MSI2: variants seen among roughly 807,000 people sequenced by gnomAD.
MSI2 encodes musashi RNA binding protein 2, also known as RNA-binding protein Musashi homolog 2.
In MSI2, 17 loss-of-function variants were observed where a neutral mutation model predicts 45.6. The ratio of observed to expected loss-of-function variants is 0.37; its 90% confidence interval spans 0.26 to 0.56. MSI2 has a LOEUF of 0.56. MSI2 is among the 20% of genes least tolerant of loss of function. The probability of loss-of-function intolerance (pLI) is 0.77; values close to 1 mark genes in which losing one functional copy is unlikely to be tolerated. For missense variants in MSI2, 293 were observed against 444.2 expected, an observed-to-expected ratio of 0.66 and a Z score of 3.06; for synonymous variants, 156 against 158.2, an observed-to-expected ratio of 0.99 and a Z score of 0.11.
At chr17:57,329,673 TCTCC>T in intron 5 of MSI2, among the ~76,000 whole-genome samples, 1 of 152,260 alleles carries the variant, frequency 6.6e-6, no homozygotes, top group African/African-American at 2.4e-5. Flanking sequence ...GTCCTTCTTC[TCTCC>T]CTCTTTCCCC....
the MSI2 span, among the ~76,000 whole-genome samples, chr17:57,701,134 A>T: frequency 6.6e-6 from 1 of 152,174 alleles, no homozygotes; most frequent in Non-Finnish European, 1.5e-5. Context: ...AGCTGGGTTT[A>T]GAAGGAAGTA....
chr17:57,440,155 TTGTTCTGAACTG>T (rs1436679840), intron 6 of MSI2, among the ~76,000 whole-genome samples: 2 of 152,168 alleles, frequency 1.3e-5, no homozygotes, highest in Non-Finnish European at 2.9e-5. Flanking sequence ...GAGGCAGGGC[TTGTTCTGAACTG>T]TGAGCTGAGG....
chr17:57,574,828 C>CTTTTTTT lies in MSI2; in HGVS notation c.455-22026_455-22020dup, dbSNP rs34704876. The stretch of plus-strand genomic sequence containing the variant: ...CACAAATTCTGCATTCTCTCTCTCT[C>CTTTTTTT]TTTTTTTTTTTTTTTTTTTTGAGAC... On this transcript the variant is annotated intron_variant, in intron 7 of 13. Transcript: ENST00000284073. Among the ~76,000 whole-genome samples, 4 of 128,396 alleles carry CTTTTTTT rather than the reference C, an allele frequency of 3.1e-5. No individual in the cohort carries two copies. The East Asian group carries it at 8.7e-4, about 28-fold the overall frequency. The allele number at this position is 128,396 out of a possible 152,430, so 84.2% of individuals were successfully genotyped here. A position where few individuals can be genotyped will look rare whatever the true frequency, so the allele number is the denominator to read the frequency against.
intron 6 of MSI2, among the ~76,000 whole-genome samples, chr17:57,419,406 A>C (rs966651719): frequency 6.6e-6 from 1 of 151,186 alleles, no homozygotes; most frequent in African/African-American, 2.4e-5. Flanking sequence ...TCTGTCACCC[A>C]GGCTGGAGTG....
At chr17:57,559,857 C>T (rs1567899416) in intron 7 of MSI2, among the ~76,000 whole-genome samples, 2 of 152,244 alleles carry the variant, frequency 1.3e-5, no homozygotes, top group African/African-American at 2.4e-5. Context: ...CAGGCTGCCC[C>T]GTGCCCCTGC....
At chr17:57,323,260 A>G (rs1252757340) in intron 5 of MSI2, among the ~76,000 whole-genome samples, 2 of 152,224 alleles carry the variant, frequency 1.3e-5, no homozygotes, top group Non-Finnish European at 2.9e-5. Flanking sequence ...ACAAAGACCC[A>G]GGTCTCATAT....
At chr17:57,309,101 G>T (rs980368966) in intron 5 of MSI2, among the ~76,000 whole-genome samples, 6 of 152,150 alleles carry the variant, frequency 3.9e-5, no homozygotes, top group Non-Finnish European at 7.3e-5. Flanking sequence ...CTCAACGCAG[G>T]TTTTCTGTGG....
rs538322710 is a variant in MSI2 at position 57,484,200 on chromosome 17, C to T, written c.406-45476C>T. Among the ~76,000 whole-genome samples, 242 of 152,278 alleles carry T rather than the reference C, an allele frequency of 1.6e-3. 1 individual carries two copies. The highest frequency in any genetic ancestry group is 5.8e-3 in the African/African-American group (240 of 41,570). Reference sequence around the variant, plus strand: ...ACTGTTCTTGGCCTCCGTTAGCAGTCGCTTCTCTTTCCCTGCTCCTCAGGC... The same window carrying T: ...ACTGTTCTTGGCCTCCGTTAGCAGTTGCTTCTCTTTCCCTGCTCCTCAGGC... On this transcript the variant is annotated intron_variant, in intron 6 of 13. Coordinates refer to ENST00000284073, the MANE Select transcript of MSI2 (RefSeq NM_138962.4).
At chr17:57,507,322 G>T (rs932033579) in intron 6 of MSI2, among the ~76,000 whole-genome samples, 4 of 150,142 alleles carry the variant, frequency 2.7e-5, no homozygotes, top group Non-Finnish European at 1.5e-5. Flanking sequence ...TTGAGAACTG[G>T]GCTTTTTCCT....
rs891469860 is a variant in MSI2, at chr17:57,627,281, A to C, written c.705A>C (p.Pro235=). 8.7e-6 allele frequency: 14 copies of C among 1,614,172 alleles called. No individual in the cohort carries two copies. Among genetic ancestry groups the C allele is most frequent in the Non-Finnish European group, 1.2e-5 (14 of 1,180,026 alleles). Reference sequence around the variant, plus strand: ...GCCGTGGCTACCCCGGATTTGCTCCAAGCTATGGCTATCAGTTCCCAGGTG... The same window carrying C: ...GCCGTGGCTACCCCGGATTTGCTCCCAGCTATGGCTATCAGTTCCCAGGTG... ...TYGRGYPGFA[P]SYGYQFPGFP... is the part of the protein sequence containing the mutation. The change falls in exon 10 of 14, where the codon CCA becomes CCC. Residue 235 remains proline (P), a synonymous_variant. Coordinates refer to ENST00000284073, the MANE Select transcript of MSI2 (RefSeq NM_138962.4). The surrounding 1 kb of genome is among the most constrained non-coding windows in gnomAD (Gnocchi z 4.6).
At chr17:57,493,370 A>C (rs2143819815) in intron 6 of MSI2, among the ~76,000 whole-genome samples, 1 of 152,218 alleles carries the variant, frequency 6.6e-6, no homozygotes, top group Admixed American at 6.5e-5. Flanking sequence ...CAAAAGAGGA[A>C]GCGATGAATG....
intron 5 of MSI2, among the ~76,000 whole-genome samples, chr17:57,332,557 G>A (rs1490672778): frequency 6.6e-6 from 1 of 152,152 alleles, no homozygotes; most frequent in Non-Finnish European, 1.5e-5. Flanking sequence ...GCTTCTTGTT[G>A]TTAGCCATCT....
chr17:57,497,828 G>A (rs1171641775), intron 6 of MSI2, among the ~76,000 whole-genome samples: 1 of 152,210 alleles, frequency 6.6e-6, no homozygotes, highest in Admixed American at 6.5e-5. Flanking sequence ...GCTGATGACA[G>A]CGTCAGCCCT....
rs183431883 is a variant in MSI2, at chr17:57,389,907, C to G, written c.313-11472C>G. On this transcript the variant is annotated intron_variant, in intron 5 of 13. Transcript: ENST00000284073. ...CCAGGCTCCTTCTGCTCTTCTGTGG[C>G]TCTTCACCCCTCATGCTCAGGAAGG... Among the ~76,000 whole-genome samples, 341 of 152,192 alleles carry G rather than the reference C, an allele frequency of 2.2e-3. 1 individual carries two copies. The highest frequency in any genetic ancestry group is 3.1e-3 in the Non-Finnish European group (210 of 67,994).
In MSI2 at chr17:57,529,385, G is replaced by A. The variant is rs919236906; in HGVS notation, c.406-291G>A. ...CAGGAGGTCGAGACTGCAGTGAGCC[G>A]TGATGGTGCCACTGCACTCTAGCCT... is the stretch of plus-strand genomic sequence containing the variant. On this transcript the variant is annotated intron_variant, in intron 6 of 13. Transcript: ENST00000284073. This position sits in a 1 kb window ranked among gnomAD's most constrained non-coding sequence, Gnocchi z 5.3. 5.3e-5 allele frequency among the ~76,000 whole-genome samples: 8 copies of A among 152,268 alleles called. No individual in the cohort carries two copies. Among genetic ancestry groups the A allele is most frequent in the East Asian group, 1.9e-4 (1 of 5,176 alleles).
rs144375103 is a variant in MSI2, at chr17:57,537,145, C to T, written c.454+7421C>T. Among the ~76,000 whole-genome samples, 252 of 152,292 alleles carry T rather than the reference C, an allele frequency of 1.7e-3. 1 individual carries two copies. The highest frequency in any genetic ancestry group is 7.3e-3 in the South Asian group (35 of 4,824). On this transcript the variant is annotated intron_variant, in intron 7 of 13. Coordinates refer to ENST00000284073, the MANE Select transcript of MSI2 (RefSeq NM_138962.4). ...CACTTGAGTTAGAACAAGGAAGAAT[C>T]GCCTAGTCCAACAGTGGCAATAAGA...
chr17:57,585,266 T>C (rs987094161), intron 7 of MSI2, among the ~76,000 whole-genome samples: 4 of 152,226 alleles, frequency 2.6e-5, no homozygotes, highest in African/African-American at 9.6e-5. Flanking sequence ...AAGTGGATTT[T>C]AACAAGTGAG....
At position 57,280,542 on chromosome 17, in the gene MSI2, A is replaced by G. The variant is rs918401780; in HGVS notation, c.312+18350A>G. 5.3e-5 allele frequency among the ~76,000 whole-genome samples: 8 copies of G among 152,096 alleles called. No homozygotes were observed. The highest frequency in any genetic ancestry group is 1.9e-4 in the African/African-American group (8 of 41,432). On this transcript the variant is annotated intron_variant, in intron 5 of 13. Coordinates refer to ENST00000284073, the MANE Select transcript of MSI2 (RefSeq NM_138962.4). The surrounding 1 kb of genome is among the most constrained non-coding windows in gnomAD (Gnocchi z 4.2). Reference sequence around the variant, plus strand: ...AGGTGAGAGGCAAATTTGACTTCTCATTGATGTGAGCAGAGCCCCCAACCC... The same window carrying G: ...AGGTGAGAGGCAAATTTGACTTCTCGTTGATGTGAGCAGAGCCCCCAACCC...
intron 5 of MSI2, among the ~76,000 whole-genome samples, chr17:57,324,367 G>A (rs1042114871): frequency 4.6e-5 from 7 of 152,040 alleles, no homozygotes; most frequent in South Asian, 2.1e-4. Context: ...CATCTTACCC[G>A]CTGGCTCCCG....
Sources: gnomAD v4.1 joint callset for allele counts (sites outside exome capture counted in the v4.1 genomes callset) on GRCh38, gnomAD v4.1.1 for gene constraint, Gnocchi (gnomAD v3.1) non-coding constraint, MANE v1.5 for transcripts, NCBI Gene and HGNC (gene_info 2026-07-23, HGNC 2026-07-21) for gene names.